Variants in SLC30A10 observed in about 807,000 individuals in gnomAD.
The protein encoded by SLC30A10 is calcium/manganese antiporter SLC30A10.
Under a neutral mutation model 21.7 loss-of-function variants are expected in SLC30A10, and 8 were observed. The observed-to-expected ratio is 0.37, with a 90% confidence interval of 0.22 to 0.67. The LOEUF is 0.67. Among genes scored for constraint, SLC30A10 ranks in the 30% least tolerant of loss-of-function variants. The probability of loss-of-function intolerance (pLI) is 0.58; values close to 1 mark genes in which losing one functional copy is unlikely to be tolerated. For missense variants in SLC30A10, 521 were observed against 642.5 expected, an observed-to-expected ratio of 0.81 and a Z score of 2.04; for synonymous variants, 272 against 279.4, an observed-to-expected ratio of 0.97 and a Z score of 0.26.
At chr1:219,947,524 T>G (rs952100731) in intron 1 of SLC30A10, among the ~76,000 whole-genome samples, 1 of 151,924 alleles carries the variant, frequency 6.6e-6, no homozygotes, top group African/African-American at 2.4e-5. Context: ...CAGAGCAAGA[T>G]CCTGTCTCAA....
At chr1:219,949,004 A>G (rs1660231052) in intron 1 of SLC30A10, among the ~76,000 whole-genome samples, 2 of 151,746 alleles carry the variant, frequency 1.3e-5, no homozygotes, top group Non-Finnish European at 1.5e-5. Context: ...AAACACATGA[A>G]AAAATGCTCA....
rs757443909 is a variant in SLC30A10, at chr1:219,918,321, G to A, written c.892C>T (p.Leu298Phe). The A allele has an allele frequency of 2.2e-5, 35 of 1,614,000 alleles. No individual in the cohort carries two copies. Among genetic ancestry groups the A allele is most frequent in the Non-Finnish European group, 2.8e-5 (33 of 1,180,048 alleles). The change falls in exon 3 of 4, where the codon CTT becomes TTT. Residue 298 changes from leucine (L) to phenylalanine (F), a missense_variant. Transcript: ENST00000366926. The surrounding 1 kb of genome is among the most constrained non-coding windows in gnomAD (Gnocchi z 4.4). ...AGAATGGCAGCGGTCTCCTTGATAA[G>A]CGGGAAGGCAGATGACAAAATGATG... is the stretch of plus-strand genomic sequence containing the variant. The part of the protein sequence containing the change: ...VIIILSSAFP[L>F]IKETAAILLQ...
Position 219,918,406 on chromosome 1 carries a change from A to T in SLC30A10, c.807T>A (p.Ser269Arg). ...AIIFYVLPLK[S>R]EDPCNWQCYI... is the part of the protein sequence containing the mutation. ...AACACTGCCAGTTACACGGGTCCTC[A>T]CTCTTCAGGGGAAGCACATAGAATA... The change falls in exon 3 of 4, where the codon AGT becomes AGA. Residue 269 changes from serine to arginine, a missense_variant. Ser to Arg is a moderately radical substitution (Grantham distance 110). Transcript: ENST00000366926. This position sits in a 1 kb window ranked among gnomAD's most constrained non-coding sequence, Gnocchi z 4.4. 2 of 1,613,958 alleles carry T rather than the reference A, an allele frequency of 1.2e-6. No homozygotes were observed. Among genetic ancestry groups the T allele is most frequent in the Non-Finnish European group, 1.7e-6 (2 of 1,180,002 alleles).
intron 1 of SLC30A10, among the ~76,000 whole-genome samples, chr1:219,943,352 C>T (rs143682666): frequency 2.8e-4 from 42 of 152,230 alleles, no homozygotes; most frequent in African/African-American, 9.1e-4. Flanking sequence ...ACCCTGATCT[C>T]CCGCACCTGC....
Position 219,910,751 on chromosome 1 carries a change from G to A in SLC30A10, c.*4698C>T, listed in dbSNP as rs77716499. 6.6e-6 allele frequency among the ~76,000 whole-genome samples: 1 copy of A among 152,146 alleles called. No individual in the cohort carries two copies. The highest frequency in any genetic ancestry group is 1.5e-5 in the Non-Finnish European group (1 of 68,036). ...TTGTTCTCATTAGAGTGCAGAGTAG[G>A]TGCAGTGTCTGGCATGGCTTTGTAC... On this transcript the variant is annotated 3_prime_UTR_variant, in exon 4 of 4. Coordinates refer to ENST00000366926, the MANE Select transcript of SLC30A10 (RefSeq NM_018713.3).
At chr1:219,941,122 A>G (rs1660114983) in intron 1 of SLC30A10, among the ~76,000 whole-genome samples, 1 of 152,228 alleles carries the variant, frequency 6.6e-6, no homozygotes, top group African/African-American at 2.4e-5. Flanking sequence ...TGAGAGGAGA[A>G]GGAGAACACA....
At chr1:219,930,438 A>T (rs1571805019), upstream of SLC30A10, among the ~76,000 whole-genome samples, 1 of 152,078 alleles carries the variant, frequency 6.6e-6, no homozygotes, top group Admixed American at 6.5e-5. Context: ...GTGCCACTGC[A>T]CTCCAGCCTG....
At chr1:219,950,039 G>A (rs1369307906) in intron 1 of SLC30A10, among the ~76,000 whole-genome samples, 1 of 152,168 alleles carries the variant, frequency 6.6e-6, no homozygotes, top group East Asian at 1.9e-4. Context: ...AGACAGGACT[G>A]CAGGAAAATA....
At chr1:219,917,310 T>A (rs1393610033) in intron 3 of SLC30A10, among the ~76,000 whole-genome samples, 1 of 152,194 alleles carries the variant, frequency 6.6e-6, no homozygotes, top group African/African-American at 2.4e-5. Context: ...TAAAAATATC[T>A]GTTTTTAAAT....
rs182499701 is a variant in SLC30A10 at position 219,950,508 on chromosome 1, G to A, written n.80+8060C>T. On this transcript the variant is annotated intron_variant and non_coding_transcript_variant, in intron 1 of 8. Transcript: ENST00000484239. ...CAAAAAATTAGCCAGGCATGGTGGCGGGTGCCTGTAGTCCCAGCTACTGGG... is the reference window on the plus strand; with the variant it reads ...CAAAAAATTAGCCAGGCATGGTGGCAGGTGCCTGTAGTCCCAGCTACTGGG... 7.7e-3 allele frequency among the ~76,000 whole-genome samples: 1,174 copies of A among 152,132 alleles called. 12 individuals are homozygous for A. Among genetic ancestry groups the A allele is most frequent in the African/African-American group, 0.028 (1,143 of 41,488 alleles).
intron 1 of SLC30A10, among the ~76,000 whole-genome samples, chr1:219,955,594 T>C (rs1571816571): frequency 6.6e-6 from 1 of 152,050 alleles, no homozygotes; most frequent in Admixed American, 6.6e-5. Context: ...GTGGTCTTGA[T>C]TTTTTTTACT....
At chr1:219,946,714 C>T (rs1232299933) in intron 1 of SLC30A10, among the ~76,000 whole-genome samples, 2 of 152,020 alleles carry the variant, frequency 1.3e-5, no homozygotes, top group Non-Finnish European at 2.9e-5. Context: ...TGGGCCCACC[C>T]CTGCTCTTCC....
At chr1:219,951,077 C>G (rs1003581487) in intron 1 of SLC30A10, among the ~76,000 whole-genome samples, 3 of 152,182 alleles carry the variant, frequency 2.0e-5, no homozygotes, top group African/African-American at 7.2e-5. Flanking sequence ...CCTCCCACCT[C>G]AGCTTCCCAA....
intron 1 of SLC30A10, among the ~76,000 whole-genome samples, chr1:219,940,003 G>C (rs1320550243): frequency 1.3e-5 from 2 of 152,168 alleles, no homozygotes; most frequent in Non-Finnish European, 2.9e-5. Context: ...TCTACTCCAC[G>C]TTCTCCTAGT....
intron 2 of SLC30A10, among the ~76,000 whole-genome samples, chr1:219,921,942 AGACC>A (rs1301898860): frequency 2.1e-5 from 3 of 141,232 alleles, no homozygotes; most frequent in African/African-American, 8.4e-5. Flanking sequence ...AGAGAGAGAG[AGACC>A]GAGAGAGAGA....
At chr1:219,933,154 T>G (rs528464928), upstream of SLC30A10, among the ~76,000 whole-genome samples, 1 of 152,076 alleles carries the variant, frequency 6.6e-6, no homozygotes, top group African/African-American at 2.4e-5. Flanking sequence ...GCAGCCCACC[T>G]AGAACGAAGC....
Position 219,915,587 on chromosome 1 carries a change from G to T in SLC30A10, c.1320C>A (p.Tyr440Ter). 1 of 1,614,224 alleles carries T rather than the reference G, an allele frequency of 6.2e-7. No homozygotes were observed. The highest frequency in any genetic ancestry group is 8.5e-7 in the Non-Finnish European group (1 of 1,180,052). Residue 440 changes from tyrosine to a stop codon, truncating the protein, a stop_gained, in exon 4 of 4, where the codon TAC becomes TAA. Coordinates refer to ENST00000366926, the MANE Select transcript of SLC30A10 (RefSeq NM_018713.3). LOFTEE classifies it low-confidence loss of function (END_TRUNC). ...EHNGGPSLDT[Y>*]GSDGLSRRDA... ...CTCTTCTACTGAGGCCATCACTTCCGTATGTGTCTAGAGAGGGCCCACCAT... is the reference window on the plus strand; with the variant it reads ...CTCTTCTACTGAGGCCATCACTTCCTTATGTGTCTAGAGAGGGCCCACCAT...
rs1453811776 is a variant in SLC30A10, at chr1:219,910,879, T to C, written c.*4570A>G. Among the ~76,000 whole-genome samples the C allele has an allele frequency of 6.6e-6, 1 of 152,142 alleles. No individual in the cohort carries two copies. The highest frequency in any genetic ancestry group is 1.5e-5 in the Non-Finnish European group (1 of 68,020). ...GAAAAGAGAAGCACCAGAAAATGACTCGTCTGCATTATCTAAACTCCAGAT... is the reference window on the plus strand; with the variant it reads ...GAAAAGAGAAGCACCAGAAAATGACCCGTCTGCATTATCTAAACTCCAGAT... On this transcript the variant is annotated 3_prime_UTR_variant, in exon 4 of 4. Coordinates refer to ENST00000366926, the MANE Select transcript of SLC30A10 (RefSeq NM_018713.3).
At chr1:219,955,912 C>A (rs1264786651) in intron 1 of SLC30A10, among the ~76,000 whole-genome samples, 1 of 152,292 alleles carries the variant, frequency 6.6e-6, no homozygotes, top group Admixed American at 6.5e-5. Flanking sequence ...TAGTTTATAA[C>A]TCCTTTTATA....
Sources: gnomAD v4.1 joint callset for allele counts (sites outside exome capture counted in the v4.1 genomes callset) on GRCh38, gnomAD v4.1.1 for gene constraint, Gnocchi (gnomAD v3.1) non-coding constraint, MANE v1.5 for transcripts, NCBI Gene and HGNC (gene_info 2026-07-23, HGNC 2026-07-21) for gene names.